LINGO2: variants seen among roughly 807,000 people sequenced by gnomAD.
LINGO2 encodes the protein leucine-rich repeat and immunoglobulin-like domain-containing nogo receptor-interacting protein 2.
Under a neutral mutation model 30.6 loss-of-function variants are expected in LINGO2, and 14 were observed. The observed-to-expected ratio is 0.46, with a 90% CI of 0.30 to 0.72. The LOEUF is 0.72. LINGO2 is among the 30% of genes least tolerant of loss of function. The pLI, the probability that LINGO2 is intolerant of heterozygous loss-of-function variation, is 0.07. For synonymous variants in LINGO2, 317 were observed against 288.5 expected, an observed-to-expected ratio of 1.10 and a Z score of -1.00; for missense variants, 729 against 751.7, an observed-to-expected ratio of 0.97 and a Z score of 0.35.
At chr9:28,550,903 A>T (rs745755500) in intron 1 of LINGO2, among the ~76,000 whole-genome samples, 22 of 151,864 alleles carry the variant, frequency 1.4e-4, no homozygotes, top group Non-Finnish European at 2.7e-4. Context: ...CCTATGGTGA[A>T]AATTTAAATA....
chr9:28,106,718 T>C (rs1281433220), intron 4 of LINGO2, among the ~76,000 whole-genome samples: 2 of 152,184 alleles, frequency 1.3e-5, no homozygotes, highest in Non-Finnish European at 2.9e-5. Context: ...ACAGTTCTGT[T>C]CACTAGCAGT....
At position 28,289,442 on chromosome 9, in the gene LINGO2, C is replaced by T. The variant is rs73431327; in HGVS notation, c.-87+5766G>A. 8.2e-3 allele frequency among the ~76,000 whole-genome samples: 1,253 copies of T among 152,174 alleles called. 24 individuals are homozygous for T. Among genetic ancestry groups the T allele is most frequent in the African/African-American group, 0.029 (1,189 of 41,514 alleles). ...AAGGGCTATGTGAGGAGAAGTTTTG[C>T]GTTATAATACTTGGATCAAAATTAT... On this transcript the variant is annotated intron_variant, in intron 4 of 5. Transcript: ENST00000379992.
At chr9:28,639,733 C>A (rs934343212) in intron 1 of LINGO2, among the ~76,000 whole-genome samples, 6 of 152,048 alleles carry the variant, frequency 3.9e-5, no homozygotes, top group Non-Finnish European at 8.8e-5. Flanking sequence ...TGAGGTGGGT[C>A]TCCTGAATAT....
chr9:28,613,836 G>A (rs993986449), intron 1 of LINGO2, among the ~76,000 whole-genome samples: 3 of 152,286 alleles, frequency 2.0e-5, no homozygotes, highest in South Asian at 2.1e-4. Context: ...GTTTATGGAT[G>A]AGTGCAGCAG....
intron 4 of LINGO2, among the ~76,000 whole-genome samples, chr9:28,126,554 A>G (rs1341639729): frequency 6.6e-6 from 1 of 152,238 alleles, no homozygotes; most frequent in Non-Finnish European, 1.5e-5. Context: ...GACATGTTTG[A>G]GATGGCATGA....
At chr9:28,401,492 T>C (rs1031636061) in intron 2 of LINGO2, among the ~76,000 whole-genome samples, 1 of 152,220 alleles carries the variant, frequency 6.6e-6, no homozygotes, top group African/African-American at 2.4e-5. Flanking sequence ...CTGCAGAGTA[T>C]TCCATGGTAT....
chr9:28,735,107 T>G, the LINGO2 span, among the ~76,000 whole-genome samples: 49 of 152,164 alleles, frequency 3.2e-4, no homozygotes, highest in Non-Finnish European at 6.6e-4. Context: ...AGATTTATAC[T>G]CTTTCTAGTT....
At chr9:28,161,141 A>G (rs1007639337) in intron 4 of LINGO2, among the ~76,000 whole-genome samples, 2 of 152,236 alleles carry the variant, frequency 1.3e-5, no homozygotes, top group African/African-American at 4.8e-5. Context: ...TTATAGGGTG[A>G]AATTATTCCT....
rs901951797 is a variant in LINGO2, at chr9:28,153,462, A to G, written c.-86-141057T>C. 4.6e-5 allele frequency among the ~76,000 whole-genome samples: 7 copies of G among 152,290 alleles called. No homozygotes were observed. In the South Asian group the frequency reaches 1.5e-3, roughly 32 times the overall value. On this transcript the variant is annotated intron_variant, in intron 4 of 5. Transcript: ENST00000379992. ...TAACCCAGAGCCTAGAACATTACCT[A>G]CTTATTGATGTTCAGTACACTTCTT...
At chr9:29,189,171 G>A in the LINGO2 span, among the ~76,000 whole-genome samples, 2 of 140,402 alleles carry the variant, frequency 1.4e-5, no homozygotes, top group African/African-American at 2.6e-5. Context: ...CCTCCTGGAC[G>A]GGGCGGCTGG....
chr9:28,050,639 C>T (rs141868596), intron 4 of LINGO2, among the ~76,000 whole-genome samples: 3 of 150,916 alleles, frequency 2.0e-5, no homozygotes, highest in African/African-American at 7.3e-5. Context: ...AACCGAAATA[C>T]CACCCTTCAT....
chr9:28,372,551 G>T (rs1297403644), intron 3 of LINGO2, among the ~76,000 whole-genome samples: 2 of 152,132 alleles, frequency 1.3e-5, no homozygotes, highest in Non-Finnish European at 2.9e-5. Context: ...CAAAATTTCA[G>T]TTAGACAAGA....
chr9:27,997,644 T>C (rs1039866039), intron 5 of LINGO2, among the ~76,000 whole-genome samples: 9 of 152,262 alleles, frequency 5.9e-5, no homozygotes, highest in Non-Finnish European at 1.3e-4. Flanking sequence ...TTTGCTTTTA[T>C]GAGTTTGCAC....
At chr9:27,982,164 G>A (rs182236881) in intron 5 of LINGO2, among the ~76,000 whole-genome samples, 1 of 151,966 alleles carries the variant, frequency 6.6e-6, no homozygotes, top group East Asian at 1.9e-4. Flanking sequence ...GAGCATTTTA[G>A]TGAAGAGTAC....
chr9:29,031,681 C>T, the LINGO2 span, among the ~76,000 whole-genome samples: 2 of 152,040 alleles, frequency 1.3e-5, no homozygotes, highest in Admixed American at 1.3e-4. Flanking sequence ...TTGGGAATTC[C>T]TTCATATATT....
intron 1 of LINGO2, among the ~76,000 whole-genome samples, chr9:28,479,314 C>A (rs1466982283): frequency 6.6e-6 from 1 of 151,710 alleles, no homozygotes; most frequent in African/African-American, 2.4e-5. Context: ...AGAATCATAT[C>A]TCTGCTAGAA....
chr9:28,798,400 A>G, the LINGO2 span, among the ~76,000 whole-genome samples: 1 of 151,996 alleles, frequency 6.6e-6, no homozygotes, highest in Non-Finnish European at 1.5e-5. Flanking sequence ...TAACATGGAG[A>G]TTTTGCCCAC....
chr9:28,605,417 G>A (rs1321022225), intron 1 of LINGO2, among the ~76,000 whole-genome samples: 1 of 151,814 alleles, frequency 6.6e-6, no homozygotes. Flanking sequence ...ACTCTGAAAT[G>A]TTAATTCCCT....
intron 5 of LINGO2, among the ~76,000 whole-genome samples, chr9:27,955,149 A>T (rs929418242): frequency 2.0e-5 from 3 of 152,108 alleles, no homozygotes; most frequent in African/African-American, 7.2e-5. Context: ...CATGGCTTTT[A>T]AAAAAAGGCT....
Sources: gnomAD v4.1 joint callset for allele counts (sites outside exome capture counted in the v4.1 genomes callset) on GRCh38, gnomAD v4.1.1 for gene constraint, MANE v1.5 for transcripts, NCBI Gene and HGNC (gene_info 2026-07-23, HGNC 2026-07-21) for gene names.